The following AXIN1 variants were observed in gnomAD, a reference collection of about 807,000 sequenced individuals.
AXIN1 encodes the protein axin-1.
In AXIN1, 30 loss-of-function variants were observed where a neutral mutation model predicts 76.4. The observed-to-expected ratio is 0.39, with a 90% CI of 0.29 to 0.53. The LOEUF (loss-of-function observed/expected upper bound fraction) is 0.53, where lower values mean the gene tolerates loss of function less well. Among genes scored for constraint, AXIN1 ranks in the 20% least tolerant of loss-of-function variants. AXIN1 has a pLI of 0.66. For missense variants in AXIN1, 1,140 were observed against 1,198.8 expected (o/e 0.95, Z 0.72); for synonymous variants, 545 against 501.4 (o/e 1.09, Z -1.16).
chr16:346,327 G>A lies in AXIN1; in HGVS notation c.699C>T (p.Gly233=), dbSNP rs2141701950. 1 of 1,614,164 alleles carries A rather than the reference G, an allele frequency of 6.2e-7. No homozygotes were observed. Among genetic ancestry groups the A allele is most frequent in the Non-Finnish European group, 8.5e-7 (1 of 1,180,046 alleles). The part of the protein sequence containing the change: ...DQSSGSGTGK[G]ISGYLPTLNE... Reference sequence around the variant, plus strand: ...TTAAGGTCGGCAGGTATCCAGATATGCCCTTCCCTGTCCCTGACCCAGAGC... The same window carrying A: ...TTAAGGTCGGCAGGTATCCAGATATACCCTTCCCTGTCCCTGACCCAGAGC... The change falls in exon 2 of 11, where the codon GGC becomes GGT. Residue 233 remains glycine (G), a synonymous_variant. Coordinates refer to ENST00000262320, the MANE Select transcript of AXIN1 (RefSeq NM_003502.4).
chr16:315,661 A>T (rs1597049692), intron 2 of AXIN1, among the ~76,000 whole-genome samples: 1 of 152,072 alleles, frequency 6.6e-6, no homozygotes, highest in East Asian at 1.9e-4. Context: ...CCCCGTCTCT[A>T]CTAAAAATAC....
At position 289,514 on chromosome 16, in the gene AXIN1, G is replaced by A. The variant is rs2052491734; in HGVS notation, c.2388C>T (p.Tyr796=). The A allele has an allele frequency of 6.2e-7, 1 of 1,612,972 alleles. No homozygotes were observed. Among genetic ancestry groups the A allele is most frequent in the Non-Finnish European group, 8.5e-7 (1 of 1,180,030 alleles). Residue 796 remains tyrosine, a synonymous_variant, in exon 10 of 11, where the codon TAC becomes TAT. Transcript: ENST00000262320. ...CAGCGCGGCCCCTCACCAGGGTGCG[G>A]TAGGGGATGGGTTCCCCGCAGAAGT... ...AYYFCGEPIP[Y]RTLVRGRAVT...
intron 2 of AXIN1, among the ~76,000 whole-genome samples, chr16:318,660 T>C (rs2053360589): frequency 6.6e-6 from 1 of 152,210 alleles, no homozygotes; most frequent in East Asian, 1.9e-4. Context: ...TGTGCTCGCG[T>C]GCCTGCCTGT....
At chr16:337,128 T>C in intron 2 of AXIN1, among the ~76,000 whole-genome samples, 1 of 109,808 alleles carries the variant, frequency 9.1e-6, no homozygotes, top group African/African-American at 3.8e-5. Flanking sequence ...CCAGCCTGGG[T>C]GACAGAGCAA....
chr16:287,483 T>C lies in AXIN1; in HGVS notation c.*639A>G. The C allele has an allele frequency of 2.7e-6, 1 of 367,714 alleles. No individual in the cohort carries two copies. The highest frequency in any genetic ancestry group is 4.8e-6 in the Non-Finnish European group (1 of 206,286). The allele number at this position is 367,714 out of a possible 1,614,324, so 22.8% of individuals were successfully genotyped here. On this transcript the variant is annotated 3_prime_UTR_variant, in exon 11 of 11. Transcript: ENST00000262320. ...TTATTTCATTATTATCCAAGTACCT[T>C]TGAAAAGATAATTAATTGTACAAGT...
intron 2 of AXIN1, among the ~76,000 whole-genome samples, chr16:320,698 T>C (rs1597063171): frequency 6.7e-6 from 1 of 149,224 alleles, no homozygotes; most frequent in African/African-American, 2.5e-5. Flanking sequence ...TATATGTATA[T>C]ATGCATACGT....
At chr16:296,129 A>G (rs969913597) in intron 7 of AXIN1, among the ~76,000 whole-genome samples, 1 of 152,208 alleles carries the variant, frequency 6.6e-6, no homozygotes, top group African/African-American at 2.4e-5. Context: ...GGTGCTGTGC[A>G]CCCCTGTTCC....
At position 291,849 on chromosome 16, in the gene AXIN1, G is replaced by A. The variant is rs532386969; in HGVS notation, c.2187-552C>T. The stretch of plus-strand genomic sequence containing the variant: ...TGGTTTCTACTCTGACATCCTGACA[G>A]GGCCCAGCACCCAACCTGCCTCTGG... On this transcript the variant is annotated intron_variant, in intron 8 of 10. Transcript: ENST00000262320. The A allele has an allele frequency of 2.2e-4, 41 of 185,918 alleles. 1 individual carries two copies. The highest frequency in any genetic ancestry group is 6.6e-4 in the African/African-American group (28 of 42,450). The allele number at this position is 185,918 out of a possible 1,614,324, so 11.5% of individuals were successfully genotyped here.
chr16:289,857 C>T, intron 9 of AXIN1: 1 of 580,100 alleles, frequency 1.7e-6, no homozygotes. Flanking sequence ...CCACCCTCGA[C>T]TGGCCAGGGC....
chr16:342,777 C>T (rs1384780716), intron 2 of AXIN1, among the ~76,000 whole-genome samples: 11 of 152,254 alleles, frequency 7.2e-5, no homozygotes, highest in Non-Finnish European at 1.6e-4. Context: ...GCAGCAGCCA[C>T]CTCCAACACA....
In AXIN1 at chr16:343,883, G is replaced by A. The variant is rs1421797004; in HGVS notation, c.878+2265C>T. 2.6e-5 allele frequency among the ~76,000 whole-genome samples: 4 copies of A among 151,150 alleles called. No homozygotes were observed. In the East Asian group the frequency reaches 7.8e-4, roughly 29 times the overall value. ...TAGCCAGGCATGGTAGCACACACCTGTAATCCCAGCTACTCGGGAGGCAGG... is the reference window on the plus strand; with the variant it reads ...TAGCCAGGCATGGTAGCACACACCTATAATCCCAGCTACTCGGGAGGCAGG... On this transcript the variant is annotated intron_variant, in intron 2 of 10. Transcript: ENST00000262320.
At chr16:331,621 G>C (rs943998141) in intron 2 of AXIN1, among the ~76,000 whole-genome samples, 13 of 152,218 alleles carry the variant, frequency 8.5e-5, no homozygotes, top group Non-Finnish European at 1.6e-4. Context: ...AGAATGCACA[G>C]CAGTAAGCGG....
At chr16:316,222 A>C (rs1430319567) in intron 2 of AXIN1, among the ~76,000 whole-genome samples, 2 of 152,198 alleles carry the variant, frequency 1.3e-5, no homozygotes, top group East Asian at 3.8e-4. Context: ...GTGTGTATAC[A>C]AAATCTAGGC....
chr16:315,721 C>T (rs573811919), intron 2 of AXIN1, among the ~76,000 whole-genome samples: 1 of 150,948 alleles, frequency 6.6e-6, no homozygotes, highest in African/African-American at 2.4e-5. Flanking sequence ...CAGACTACTT[C>T]GGAGGCTGAG....
rs45485700 is a variant in AXIN1 at position 288,732 on chromosome 16, A to C, written c.2463-484T>G. 2.4e-3 allele frequency among the ~76,000 whole-genome samples: 363 copies of C among 152,328 alleles called. 3 individuals carry two copies. The highest frequency in any genetic ancestry group is 8.2e-3 in the African/African-American group (339 of 41,566). Reference sequence around the variant, plus strand: ...GCTCACCGCCCAGTGCTCACTCGGGAGCCTCCAAGGCTGGCTGCACGCAGG... The same window carrying C: ...GCTCACCGCCCAGTGCTCACTCGGGCGCCTCCAAGGCTGGCTGCACGCAGG... On this transcript the variant is annotated intron_variant, in intron 10 of 10. Transcript: ENST00000262320.
intron 2 of AXIN1, among the ~76,000 whole-genome samples, chr16:339,497 C>A (rs1416230222): frequency 7.4e-6 from 1 of 134,258 alleles, no homozygotes; most frequent in South Asian, 2.3e-4. Context: ...GGCGATAGAG[C>A]GAGACTCCAT....
intron 2 of AXIN1, among the ~76,000 whole-genome samples, chr16:321,810 G>A (rs552177435): frequency 6.6e-4 from 101 of 152,364 alleles, no homozygotes; most frequent in African/African-American, 2.4e-3. Context: ...GGAATATGAG[G>A]TGGAAAGTGG....
rs568697122 is a variant in AXIN1, at chr16:293,388, C to T, written c.2186+100G>A. ...TATGGCTGGGGGACACCCAGAGGGC[C>T]GTTTTTCCCCTGAAGACCTCAGGCC... On this transcript the variant is annotated intron_variant, in intron 8 of 10. Transcript: ENST00000262320. This position sits in a 1 kb window ranked among gnomAD's most constrained non-coding sequence, Gnocchi z 4.6. 1.3e-5 allele frequency: 16 copies of T among 1,221,560 alleles called. No homozygotes were observed. Among genetic ancestry groups the T allele is most frequent in the South Asian group, 9.1e-5 (7 of 77,230 alleles). 75.7% of individuals were successfully genotyped at this position (1,221,560 alleles called of 1,614,324 possible).
intron 10 of AXIN1, 58 bp from the exon 11 acceptor site, chr16:288,306 C>A (rs2052445004): frequency 2.5e-6 from 4 of 1,610,270 alleles, no homozygotes; most frequent in Non-Finnish European, 3.4e-6. Flanking sequence ...GGGAAGGAGG[C>A]CTGTGGCAGG....
Sources: allele counts gnomAD v4.1 joint callset (sites outside exome capture counted in the v4.1 genomes callset), GRCh38; gene constraint gnomAD v4.1.1; non-coding constraint Gnocchi (gnomAD v3.1); transcripts MANE v1.5; gene names NCBI Gene and HGNC (gene_info 2026-07-23, HGNC 2026-07-21).